ZBBX: variants seen among roughly 807,000 people sequenced by gnomAD.
The protein encoded by ZBBX is zinc finger B-box domain-containing protein 1.
Under a neutral mutation model 108.5 loss-of-function variants are expected in ZBBX, and 101 were observed. That is an observed-to-expected ratio of 0.93 (90% confidence interval 0.79 to 1.10). The LOEUF is 1.10. Among genes scored for constraint, ZBBX ranks in the 50% least tolerant of loss-of-function variants. The pLI is 0.00. For missense variants in ZBBX, 1,009 were observed against 941.4 expected, an observed-to-expected ratio of 1.07 and a Z score of -0.94; for synonymous variants, 356 against 323.4, an observed-to-expected ratio of 1.10 and a Z score of -1.08.
chr3:167,384,072 TCTCTC>T (rs1460432511), upstream of ZBBX, among the ~76,000 whole-genome samples: 1 of 152,104 alleles, frequency 6.6e-6, no homozygotes, highest in Non-Finnish European at 1.5e-5. Context: ...TTTCTTTTCT[TCTCTC>T]CTCTTAATAC....
chr3:167,230,117 T>C, the ZBBX span, among the ~76,000 whole-genome samples: 1 of 151,836 alleles, frequency 6.6e-6, no homozygotes, highest in Admixed American at 6.6e-5. Flanking sequence ...GCCTCAGTTT[T>C]CTCATATGTA....
intron 8 of ZBBX, among the ~76,000 whole-genome samples, chr3:167,359,254 T>C (rs1301731641): frequency 6.6e-6 from 1 of 152,074 alleles, no homozygotes; most frequent in Non-Finnish European, 1.5e-5. Context: ...AAATCTATAG[T>C]GTTAAAAATC....
chr3:167,340,525 T>G (rs957791867), intron 9 of ZBBX, among the ~76,000 whole-genome samples: 1 of 152,110 alleles, frequency 6.6e-6, no homozygotes, highest in African/African-American at 2.4e-5. Flanking sequence ...TTTATATTCT[T>G]AAAGCAAACT....
At position 167,403,071 on chromosome 3, in the gene ZBBX, A is replaced by G. The variant is rs563025845; in HGVS notation, c.-446+4655T>C. On this transcript the variant is annotated intron_variant, in intron 1 of 21. Coordinates refer to the ZBBX transcript ENST00000455345. ...AAAGTTTCCTTATATGTTTGAAAAT[A>G]CATACATCTACAAATCCAGGAAGGT... 2.5e-3 allele frequency among the ~76,000 whole-genome samples: 380 copies of G among 152,336 alleles called. 3 individuals are homozygous for G. The highest frequency in any genetic ancestry group is 8.9e-3 in the African/African-American group (372 of 41,590).
chr3:167,310,731 A>G (rs976619586), intron 16 of ZBBX, among the ~76,000 whole-genome samples: 1 of 152,164 alleles, frequency 6.6e-6, no homozygotes, highest in Non-Finnish European at 1.5e-5. Flanking sequence ...GGGGATTACA[A>G]TTTGAGATGA....
chr3:167,278,082 T>C (rs1193439813), intron 20 of ZBBX, among the ~76,000 whole-genome samples: 1 of 114,250 alleles, frequency 8.8e-6, no homozygotes, highest in South Asian at 3.4e-4. Context: ...CCAGAATCTC[T>C]GGGACACATC....
intron 16 of ZBBX, among the ~76,000 whole-genome samples, chr3:167,309,120 G>A (rs1453458911): frequency 6.6e-6 from 1 of 152,160 alleles, no homozygotes; most frequent in Non-Finnish European, 1.5e-5. Flanking sequence ...ATTAAAAGTG[G>A]CTAAAAATAT....
the ZBBX span, among the ~76,000 whole-genome samples, chr3:167,219,171 T>A: frequency 6.6e-6 from 1 of 151,940 alleles, no homozygotes; most frequent in Admixed American, 6.6e-5. Context: ...TAGACCCCAA[T>A]ACAATAATAC....
intron 18 of ZBBX, 51 bp from the exon 19 acceptor site, chr3:167,289,034 C>T (rs547732133): frequency 7.5e-7 from 1 of 1,335,876 alleles, no homozygotes; most frequent in South Asian, 1.5e-5. Flanking sequence ...GAAGAAAATC[C>T]ATTTTATTAG....
intron 9 of ZBBX, among the ~76,000 whole-genome samples, chr3:167,340,990 G>T (rs1740439293): frequency 6.6e-6 from 1 of 151,608 alleles, no homozygotes; most frequent in African/African-American, 2.4e-5. Flanking sequence ...AAATATCAAG[G>T]GTATAAAAAA....
intron 16 of ZBBX, among the ~76,000 whole-genome samples, chr3:167,310,634 A>C (rs1430665815): frequency 6.6e-6 from 1 of 152,224 alleles, no homozygotes. Context: ...AGAGCTCACG[A>C]GGACTCACTC....
chr3:167,302,778 A>G (rs1423215996), intron 17 of ZBBX, among the ~76,000 whole-genome samples: 1 of 152,214 alleles, frequency 6.6e-6, no homozygotes, highest in Non-Finnish European at 1.5e-5. Flanking sequence ...ACCAATTCCC[A>G]GAACCCAGTT....
intron 20 of ZBBX, among the ~76,000 whole-genome samples, chr3:167,249,142 G>A (rs976067354): frequency 2.6e-5 from 4 of 152,182 alleles, no homozygotes; most frequent in African/African-American, 9.7e-5. Flanking sequence ...TTAGCCCTCT[G>A]CAAAAAGGTT....
intron 1 of ZBBX, among the ~76,000 whole-genome samples, chr3:167,405,886 A>T (rs1020550529): frequency 1.3e-5 from 2 of 152,154 alleles, no homozygotes; most frequent in Non-Finnish European, 2.9e-5. Flanking sequence ...CCTGGCCAAC[A>T]TGGTGAAACC....
chr3:167,195,854 A>G, the ZBBX span, among the ~76,000 whole-genome samples: 1 of 152,220 alleles, frequency 6.6e-6, no homozygotes, highest in Admixed American at 6.5e-5. Context: ...GTCTGGCATC[A>G]CAGAAACCCA....
At chr3:167,372,185 T>C (rs1268363482) in intron 4 of ZBBX, among the ~76,000 whole-genome samples, 7 of 151,630 alleles carry the variant, frequency 4.6e-5, no homozygotes, top group Admixed American at 4.0e-4. Flanking sequence ...CACTCCAGCC[T>C]GGGTGAGGGA....
At position 167,261,345 on chromosome 3, in the gene ZBBX, G is replaced by T. The variant is rs115547057; in HGVS notation, c.2255-18702C>A. Among the ~76,000 whole-genome samples the T allele has an allele frequency of 5.5e-3, 836 of 152,078 alleles. 6 individuals carry two copies. Among genetic ancestry groups the T allele is most frequent in the African/African-American group, 0.019 (794 of 41,450 alleles). ...TGGTGCTTTCCAGAGATCATCAGGTGTGGTAGTATGGGGGAGGAACTGGCG... is the reference window on the plus strand; with the variant it reads ...TGGTGCTTTCCAGAGATCATCAGGTTTGGTAGTATGGGGGAGGAACTGGCG... On this transcript the variant is annotated intron_variant, in intron 20 of 21. Transcript: ENST00000675490.
At chr3:167,321,455 G>C (rs80348242) in intron 12 of ZBBX, among the ~76,000 whole-genome samples, 1 of 151,928 alleles carries the variant, frequency 6.6e-6, no homozygotes, top group Non-Finnish European at 1.5e-5. Context: ...ATGGTTTTGC[G>C]TAACTGAAGG....
intron 9 of ZBBX, among the ~76,000 whole-genome samples, chr3:167,337,937 A>C (rs534185223): frequency 8.5e-5 from 13 of 152,310 alleles, no homozygotes; most frequent in Non-Finnish European, 2.9e-5. Context: ...CCATTTTCTA[A>C]GTATAAAAAT....
Sources: allele counts gnomAD v4.1 joint callset (sites outside exome capture counted in the v4.1 genomes callset), GRCh38; gene constraint gnomAD v4.1.1; transcripts MANE v1.5; gene names NCBI Gene and HGNC (gene_info 2026-07-23, HGNC 2026-07-21).